JMY: variants seen among roughly 807,000 people sequenced by gnomAD.
JMY encodes junction-mediating and -regulatory protein.
In JMY, 46 loss-of-function variants were observed where a neutral mutation model predicts 103.3. The ratio of observed to expected loss-of-function variants is 0.45; its 90% CI spans 0.35 to 0.57. JMY has a LOEUF of 0.57. Ranked by LOEUF, JMY falls within the 20% of genes least tolerant of loss-of-function variation. JMY has a pLI of 0.00. For synonymous variants in JMY, 526 were observed against 489.3 expected, an observed-to-expected ratio of 1.07 and a Z score of -0.99; for missense variants, 1,238 against 1,255.2, an observed-to-expected ratio of 0.99 and a Z score of 0.21.
chr5:79,326,551 T>C lies in JMY; in HGVS notation c.*4949T>C, dbSNP rs1201768943. On this transcript the variant is annotated 3_prime_UTR_variant, in exon 11 of 11. Transcript: ENST00000396137. ...TTCTTTAACTTTGACAGAATCTCCA[T>C]TGTTTCATTGAATTTCTCATTGTAT... 2 of 152,170 alleles carry C rather than the reference T, an allele frequency of 1.3e-5. No individual in the cohort carries two copies. The highest frequency in any genetic ancestry group is 1.9e-4 in the East Asian group (1 of 5,194). The allele number at this position is 152,170 out of a possible 1,614,324, so 9.4% of individuals were successfully genotyped here. A position where few individuals can be genotyped will look rare whatever the true frequency, so the allele number is the denominator to read the frequency against.
chr5:79,250,736 C>G (rs1319011666), intron 1 of JMY, among the ~76,000 whole-genome samples: 1 of 150,198 alleles, frequency 6.7e-6, no homozygotes, highest in Non-Finnish European at 1.5e-5. Flanking sequence ...AATTTTACCC[C>G]ACTATTAATT....
At chr5:79,306,272 T>C in intron 6 of JMY, 103 bp from the exon 7 acceptor site, 1 of 751,978 alleles carries the variant, frequency 1.3e-6, no homozygotes, top group Non-Finnish European at 2.3e-6. Flanking sequence ...TGTGATACTT[T>C]GTTCTGTAGG....
chr5:79,306,721 C>A (rs1580368669), intron 7 of JMY, among the ~76,000 whole-genome samples: 1 of 152,250 alleles, frequency 6.6e-6, no homozygotes, highest in Non-Finnish European at 1.5e-5. Context: ...CTGTCAACAT[C>A]CCCCAGAGTG....
At chr5:79,309,024 A>T (rs1746968148) in intron 7 of JMY, among the ~76,000 whole-genome samples, 1 of 152,166 alleles carries the variant, frequency 6.6e-6, no homozygotes, top group Non-Finnish European at 1.5e-5. Context: ...ATTACAAAAC[A>T]ATTGACTTTT....
intron 9 of JMY, 117 bp from the exon 10 acceptor site, chr5:79,315,883 T>A: frequency 1.2e-6 from 1 of 807,798 alleles, no homozygotes; most frequent in South Asian, 1.7e-5. Context: ...TGATCCATTT[T>A]GAAGATGGTG....
chr5:79,312,938 G>A (rs1286901963), intron 8 of JMY, among the ~76,000 whole-genome samples: 1 of 152,118 alleles, frequency 6.6e-6, no homozygotes, highest in African/African-American at 2.4e-5. Flanking sequence ...CAGTTCTCTT[G>A]CCAGGGTAAG....
chr5:79,307,556 T>C (rs1746923402), intron 7 of JMY, among the ~76,000 whole-genome samples: 1 of 152,180 alleles, frequency 6.6e-6, no homozygotes, highest in Non-Finnish European at 1.5e-5. Flanking sequence ...CAAGCAGTCC[T>C]CCTGCTTTAA....
chr5:79,242,984 T>C (rs1235235596), intron 1 of JMY, among the ~76,000 whole-genome samples: 1 of 152,166 alleles, frequency 6.6e-6, no homozygotes, highest in Non-Finnish European at 1.5e-5. Context: ...TCGAATTAAT[T>C]ATGACAAGCA....
Position 79,236,814 on chromosome 5 carries a change from G to C in JMY, c.164G>C (p.Arg55Thr). The part of the protein sequence containing the change: ...TCHNRTAQRQ[R>T]SGSREQAGAR... The stretch of plus-strand genomic sequence containing the variant: ...CACAACCGGACGGCCCAGAGGCAGA[G>C]GAGCGGCTCCCGGGAGCAAGCGGGG... Residue 55 changes from arginine to threonine, a missense_variant, in exon 1 of 11, where the codon AGG (arginine) becomes ACG (threonine). Physicochemically the swap from Arg to Thr is moderately conservative, Grantham distance 71 (BLOSUM62 -1). Transcript: ENST00000396137. 6.8e-7 allele frequency: 1 copy of C among 1,481,440 alleles called. No individual in the cohort carries two copies. Among genetic ancestry groups the C allele is most frequent in the Non-Finnish European group, 9.0e-7 (1 of 1,112,240 alleles). 91.8% of individuals were successfully genotyped at this position (1,481,440 alleles called of 1,614,324 possible).
chr5:79,250,400 A>G (rs954564212), intron 1 of JMY, among the ~76,000 whole-genome samples: 2 of 151,826 alleles, frequency 1.3e-5, no homozygotes, highest in Admixed American at 6.6e-5. Flanking sequence ...TGATTCTAGT[A>G]TTTTTTCTTG....
chr5:79,300,309 C>T lies in JMY; in HGVS notation c.1684C>T (p.Leu562Phe). 1 of 1,563,276 alleles carries T rather than the reference C, an allele frequency of 6.4e-7. No homozygotes were observed. Among genetic ancestry groups the T allele is most frequent in the Non-Finnish European group, 8.6e-7 (1 of 1,158,024 alleles). ...LTAQLESIKR[L>F]ISEKRDEVVY... ...AGCGCAACTAGAAAGCATCAAAAGA[C>T]TTATATCAGGTATGGCGTGCATTTA... The change falls in exon 5 of 11, where the codon CTT becomes TTT. Residue 562 changes from leucine to phenylalanine, a missense_variant. Transcript: ENST00000396137.
At chr5:79,239,668 G>A (rs1744671843) in intron 1 of JMY, among the ~76,000 whole-genome samples, 1 of 151,910 alleles carries the variant, frequency 6.6e-6, no homozygotes, top group African/African-American at 2.4e-5. Context: ...AAAATTAGCC[G>A]GGTGTGGTGG....
Position 79,254,652 on chromosome 5 carries a change from A to G in JMY, c.1032+16970A>G, listed in dbSNP as rs1745184319. Among the ~76,000 whole-genome samples the G allele has an allele frequency of 2.6e-5, 4 of 152,076 alleles. No individual in the cohort carries two copies. The South Asian group carries it at 8.3e-4, about 32-fold the overall frequency. ...TTTAGTTAAGTCTTCTTGGTGTTCT[A>G]TAATAACCTTCTTTTACTTGGATAT... is the stretch of plus-strand genomic sequence containing the variant. On this transcript the variant is annotated intron_variant, in intron 1 of 10. Transcript: ENST00000396137.
At chr5:79,253,362 G>A (rs1414201172) in intron 1 of JMY, among the ~76,000 whole-genome samples, 2 of 151,672 alleles carry the variant, frequency 1.3e-5, no homozygotes, top group Admixed American at 6.6e-5. Flanking sequence ...GCGCAATCTC[G>A]GGTCACTACA....
chr5:79,246,466 G>C (rs1445397621), intron 1 of JMY, among the ~76,000 whole-genome samples: 1 of 152,192 alleles, frequency 6.6e-6, no homozygotes, highest in Non-Finnish European at 1.5e-5. Context: ...TAGGATGCAA[G>C]TGAGTTTGAG....
chr5:79,237,138 C>T lies in JMY; in HGVS notation c.488C>T (p.Ala163Val), dbSNP rs1433250655. 8 of 1,546,070 alleles carry T rather than the reference C, an allele frequency of 5.2e-6. No individual in the cohort carries two copies. Among genetic ancestry groups the T allele is most frequent in the African/African-American group, 2.7e-5 (2 of 72,932 alleles). The change falls in exon 1 of 11, where the codon GCA (alanine) becomes GTA (valine). Residue 163 changes from alanine (A) to valine (V), a missense_variant. Ala to Val is a moderately conservative substitution (Grantham distance 64). Transcript: ENST00000396137. The stretch of plus-strand genomic sequence containing the variant: ...TCTGAAGCCGACGATGCGGCGGGGG[C>T]AGCCGCTGCAGCAGCCCGGCCGGCG... Reference protein sequence around the residue: ...KTSEADDAAGAAAAAARPAPR... With the variant: ...KTSEADDAAGVAAAAARPAPR...
intron 10 of JMY, among the ~76,000 whole-genome samples, chr5:79,317,094 A>G (rs1747253188): frequency 6.6e-6 from 1 of 151,916 alleles, no homozygotes; most frequent in Admixed American, 6.6e-5. Flanking sequence ...CTTTTCTGAC[A>G]AAGTATTTCA....
At chr5:79,263,277 G>T (rs1234232340) in intron 1 of JMY, among the ~76,000 whole-genome samples, 1 of 152,212 alleles carries the variant, frequency 6.6e-6, no homozygotes, top group East Asian at 1.9e-4. Flanking sequence ...AAAAGGAAGA[G>T]GCTGAGGCAC....
At chr5:79,247,941 G>A (rs1246849768) in intron 1 of JMY, among the ~76,000 whole-genome samples, 1 of 151,124 alleles carries the variant, frequency 6.6e-6, no homozygotes, top group African/African-American at 2.4e-5. Context: ...TGCTCAGGCT[G>A]GAGTGCAGTG....
Sources: allele counts gnomAD v4.1 joint callset (sites outside exome capture counted in the v4.1 genomes callset), GRCh38; gene constraint gnomAD v4.1.1; transcripts MANE v1.5; gene names NCBI Gene and HGNC (gene_info 2026-07-23, HGNC 2026-07-21).